The following MRTFB variants were observed in gnomAD, a reference collection of about 807,000 sequenced individuals.
The protein encoded by MRTFB is myocardin-related transcription factor B.
Under a neutral mutation model 104.2 loss-of-function variants are expected in MRTFB, and 29 were observed. The observed-to-expected ratio is 0.28, with a 90% confidence interval of 0.21 to 0.38. The LOEUF is 0.38. Among genes scored for constraint, MRTFB ranks in the 10% least tolerant of loss-of-function variants. MRTFB has a pLI of 1.00. For missense variants in MRTFB, 1,270 were observed against 1,341.6 expected (o/e 0.95, Z 0.83); for synonymous variants, 535 against 519.5 (o/e 1.03, Z -0.41).
chr16:14,122,708 G>C (rs938768917), intron 2 of MRTFB, among the ~76,000 whole-genome samples: 17 of 152,098 alleles, frequency 1.1e-4, no homozygotes, highest in Non-Finnish European at 2.5e-4. Flanking sequence ...CATTTGGGTT[G>C]GTTTCAAGTC....
At chr16:14,242,965 T>TA (rs2042840152) in intron 10 of MRTFB, among the ~76,000 whole-genome samples, 1 of 152,082 alleles carries the variant, frequency 6.6e-6, no homozygotes, top group African/African-American at 2.4e-5. Context: ...AGACTACTCT[T>TA]ACGTAATAAA....
In MRTFB at chr16:14,235,955, C is replaced by T. The variant is rs551006749; in HGVS notation, c.831+1672C>T. On this transcript the variant is annotated intron_variant, in intron 9 of 16. Transcript: ENST00000571589. Reference sequence around the variant, plus strand: ...CTGCACTTTGGGAGGCCAAGGCAGGCAGATTGCTTGAGCTCAGGAGTTTGA... The same window carrying T: ...CTGCACTTTGGGAGGCCAAGGCAGGTAGATTGCTTGAGCTCAGGAGTTTGA... Among the ~76,000 whole-genome samples, 228 of 152,332 alleles carry T rather than the reference C, an allele frequency of 1.5e-3. 2 individuals carry two copies. The highest frequency in any genetic ancestry group is 5.1e-3 in the African/African-American group (213 of 41,594).
chr16:14,082,904 T>C (rs58485805), intron 2 of MRTFB, among the ~76,000 whole-genome samples: 35,043 of 152,128 alleles, frequency 0.23, 4,858 homozygotes, highest in South Asian at 0.38. Flanking sequence ...AAGAATGTTA[T>C]TGGTATTTTG....
chr16:14,218,357 C>T (rs189300675), intron 7 of MRTFB, among the ~76,000 whole-genome samples: 307 of 152,310 alleles, frequency 2.0e-3, no homozygotes, highest in Non-Finnish European at 4.0e-3. Context: ...CCGCACCCAG[C>T]CTGTCACGTG....
At chr16:14,112,867 C>A (rs1247996375) in intron 2 of MRTFB, among the ~76,000 whole-genome samples, 1 of 152,170 alleles carries the variant, frequency 6.6e-6, no homozygotes, top group Non-Finnish European at 1.5e-5. Context: ...TCTCTGGACA[C>A]CCTATCTGAA....
chr16:14,073,786 T>C (rs1213594641), intron 1 of MRTFB, among the ~76,000 whole-genome samples: 8 of 152,218 alleles, frequency 5.3e-5, no homozygotes, highest in Admixed American at 3.9e-4. Flanking sequence ...CTAATATCTA[T>C]ATTAGAGAAT....
chr16:14,125,126 A>G (rs2037046000), intron 2 of MRTFB, among the ~76,000 whole-genome samples: 1 of 152,228 alleles, frequency 6.6e-6, no homozygotes, highest in African/African-American at 2.4e-5. Flanking sequence ...CTAGTGCAGT[A>G]ATAATGGTTC....
At chr16:14,119,612 T>A (rs1027380582) in intron 2 of MRTFB, among the ~76,000 whole-genome samples, 9 of 152,096 alleles carry the variant, frequency 5.9e-5, no homozygotes, top group Admixed American at 1.3e-4. Context: ...CTTCAGATAA[T>A]TTTTTTGTAA....
At chr16:14,091,558 A>C (rs1160130363) in intron 2 of MRTFB, among the ~76,000 whole-genome samples, 1 of 152,052 alleles carries the variant, frequency 6.6e-6, no homozygotes, top group Non-Finnish European at 1.5e-5. Flanking sequence ...TCTTTGTTGG[A>C]AGCTCTCTAT....
the MRTFB span, among the ~76,000 whole-genome samples, chr16:14,052,097 A>G: frequency 6.6e-6 from 1 of 152,042 alleles, no homozygotes; most frequent in African/African-American, 2.4e-5. Context: ...TAAAATGCAA[A>G]GTGGTCATAC....
At chr16:14,012,179 A>G in the MRTFB span, among the ~76,000 whole-genome samples, 2 of 150,140 alleles carry the variant, frequency 1.3e-5, no homozygotes, top group Non-Finnish European at 2.9e-5. Context: ...TACTCAACGC[A>G]GGTGCAAACT....
chr16:14,023,551 G>A, the MRTFB span, among the ~76,000 whole-genome samples: 8 of 151,254 alleles, frequency 5.3e-5, no homozygotes, highest in Non-Finnish European at 1.0e-4. Context: ...AAAATGAAAA[G>A]AGTAACAATA....
At chr16:14,042,765 T>C in the MRTFB span, among the ~76,000 whole-genome samples, 3,148 of 152,324 alleles carry the variant, frequency 0.021, 112 homozygotes, top group African/African-American at 0.071. Flanking sequence ...GGGGGGAATC[T>C]ACAGAGGATT....
intron 1 of MRTFB, among the ~76,000 whole-genome samples, 179 bp downstream of exon 1, chr16:14,071,544 G>GCGGGGCGGC (rs1419568069): frequency 6.6e-6 from 1 of 151,340 alleles, no homozygotes; most frequent in Non-Finnish European, 1.5e-5. Flanking sequence ...CTCGCGCGGG[G>GCGGGGCGGC]CGGGGCGGCC....
At chr16:14,007,214 A>G in the MRTFB span, among the ~76,000 whole-genome samples, 1 of 152,120 alleles carries the variant, frequency 6.6e-6, no homozygotes, top group Non-Finnish European at 1.5e-5. Flanking sequence ...ATCACCCACC[A>G]GTCTCCCCAT....
At chr16:14,179,775 C>T (rs1413039908) in intron 3 of MRTFB, among the ~76,000 whole-genome samples, 1 of 152,158 alleles carries the variant, frequency 6.6e-6, no homozygotes, top group Non-Finnish European at 1.5e-5. Context: ...AGACTGAAGT[C>T]GATGAATAGA....
At chr16:14,117,667 A>C (rs977879317) in intron 2 of MRTFB, among the ~76,000 whole-genome samples, 2 of 152,180 alleles carry the variant, frequency 1.3e-5, no homozygotes, top group African/African-American at 4.8e-5. Flanking sequence ...CTTGGATTCC[A>C]GTGGAGGAGA....
intron 3 of MRTFB, among the ~76,000 whole-genome samples, chr16:14,159,865 G>A (rs1005375302): frequency 1.4e-5 from 2 of 142,582 alleles, no homozygotes; most frequent in South Asian, 2.3e-4. Flanking sequence ...GGGAGGCGGA[G>A]CTTGCAGTGA....
chr16:14,094,394 T>G (rs2035247901), intron 2 of MRTFB, among the ~76,000 whole-genome samples: 1 of 152,246 alleles, frequency 6.6e-6, no homozygotes, highest in South Asian at 2.1e-4. Context: ...GGGTAGAATT[T>G]AGGCTGAAGT....
Sources: allele counts gnomAD v4.1 joint callset (sites outside exome capture counted in the v4.1 genomes callset), GRCh38; gene constraint gnomAD v4.1.1; transcripts MANE v1.5; gene names NCBI Gene and HGNC (gene_info 2026-07-23, HGNC 2026-07-21).